The following VTI1A variants were observed in gnomAD, a reference collection of about 807,000 sequenced individuals.
VTI1A encodes the protein vesicle transport through interaction with t-SNAREs 1A, also known as vesicle transport through interaction with t-SNAREs homolog 1A.
A neutral mutation model predicts 34.9 loss-of-function variants in VTI1A; 22 were observed. The observed-to-expected ratio is 0.63, with a 90% CI of 0.45 to 0.90. The LOEUF (loss-of-function observed/expected upper bound fraction) is 0.90, where lower values mean the gene tolerates loss of function less well. VTI1A is among the 40% of genes least tolerant of loss of function. VTI1A has a pLI of 0.00. For synonymous variants in VTI1A, 87 were observed against 97.3 expected (o/e 0.89, Z 0.62); for missense variants, 268 against 275.6 (o/e 0.97, Z 0.20).
intron 5 of VTI1A, among the ~76,000 whole-genome samples, chr10:112,606,150 C>T (rs758360818): frequency 5.9e-5 from 9 of 151,664 alleles, no homozygotes; most frequent in African/African-American, 9.7e-5. Flanking sequence ...TCAGCCTTCC[C>T]GAGTAGCTGG....
At chr10:112,716,176 G>A (rs966592175) in intron 7 of VTI1A, among the ~76,000 whole-genome samples, 19 of 152,184 alleles carry the variant, frequency 1.2e-4, no homozygotes, top group African/African-American at 4.3e-4. Context: ...CTGACGAAGT[G>A]TTCTCCTGGG....
At chr10:112,760,055 G>T (rs960075209) in intron 7 of VTI1A, among the ~76,000 whole-genome samples, 1 of 152,172 alleles carries the variant, frequency 6.6e-6, no homozygotes, top group Admixed American at 6.5e-5. Context: ...GAAGAAGAGG[G>T]ATAGGGAAGA....
At chr10:112,551,182 T>C (rs980470391) in intron 5 of VTI1A, among the ~76,000 whole-genome samples, 4 of 138,882 alleles carry the variant, frequency 2.9e-5, no homozygotes, top group Non-Finnish European at 4.5e-5. Context: ...GAGCGGAGCT[T>C]GCCGTGAGCA....
intron 7 of VTI1A, among the ~76,000 whole-genome samples, chr10:112,776,294 G>A (rs1228612568): frequency 6.6e-6 from 1 of 152,146 alleles, no homozygotes; most frequent in Admixed American, 6.5e-5. Flanking sequence ...ATTGGGGTGG[G>A]GTACTGGGAT....
At chr10:112,737,725 A>G (rs959237776) in intron 7 of VTI1A, 6 of 1,059,070 alleles carry the variant, frequency 5.7e-6, no homozygotes, top group African/African-American at 3.3e-5. Flanking sequence ...GATCTGGAAA[A>G]TTAAAGCTCT....
chr10:112,840,505 A>G, the VTI1A span, among the ~76,000 whole-genome samples: 1 of 152,194 alleles, frequency 6.6e-6, no homozygotes, highest in Non-Finnish European at 1.5e-5. Flanking sequence ...GCTTGTTCTC[A>G]TTGGCTGCTA....
chr10:112,606,880 C>T (rs1240188573), intron 5 of VTI1A, among the ~76,000 whole-genome samples: 1 of 152,200 alleles, frequency 6.6e-6, no homozygotes, highest in Non-Finnish European at 1.5e-5. Context: ...CTAGTGGCAA[C>T]AGCTACCACG....
intron 7 of VTI1A, among the ~76,000 whole-genome samples, chr10:112,733,733 A>AT (rs1373327366): frequency 7.3e-6 from 1 of 136,444 alleles, no homozygotes; most frequent in Non-Finnish European, 1.5e-5. Context: ...ACATTATTTT[A>AT]TTTTATTTTA....
chr10:112,715,906 C>T (rs966289391), intron 7 of VTI1A, among the ~76,000 whole-genome samples: 3 of 152,162 alleles, frequency 2.0e-5, no homozygotes, highest in African/African-American at 4.8e-5. Flanking sequence ...GAAGAGATTT[C>T]GGAGTCAGTA....
At chr10:112,834,677 G>A in the VTI1A span, among the ~76,000 whole-genome samples, 1 of 152,190 alleles carries the variant, frequency 6.6e-6, no homozygotes, top group South Asian at 2.1e-4. Flanking sequence ...CTGGCATTTA[G>A]TTGAGGATTT....
chr10:112,615,950 A>G (rs948281703), intron 5 of VTI1A, among the ~76,000 whole-genome samples: 2 of 152,164 alleles, frequency 1.3e-5, no homozygotes, highest in Non-Finnish European at 2.9e-5. Context: ...TTCATGGGCC[A>G]TATTTGGATT....
At position 112,817,909 on chromosome 10, in the gene VTI1A, T is replaced by G. The variant is rs1853570950; in HGVS notation, c.*2526T>G. 4.3e-6 allele frequency: 1 copy of G among 233,062 alleles called. No homozygotes were observed. Among genetic ancestry groups the G allele is most frequent in the Admixed American group, 5.6e-5 (1 of 17,766 alleles). The allele number at this position is 233,062 out of a possible 1,614,324, so 14.4% of individuals were successfully genotyped here. On this transcript the variant is annotated 3_prime_UTR_variant, in exon 8 of 8. Transcript: ENST00000393077. ...AGAAGAGAAGGAAGCCCTTGCCATATAAAATTCATGCAGACTAAACAGTTT... is the reference window on the plus strand; with the variant it reads ...AGAAGAGAAGGAAGCCCTTGCCATAGAAAATTCATGCAGACTAAACAGTTT...
At chr10:112,852,465 T>A in the VTI1A span, among the ~76,000 whole-genome samples, 2 of 152,226 alleles carry the variant, frequency 1.3e-5, no homozygotes, top group Non-Finnish European at 2.9e-5. Flanking sequence ...CAGCAGGGCA[T>A]GAACCCTTTC....
intron 5 of VTI1A, among the ~76,000 whole-genome samples, chr10:112,573,693 A>G (rs780549268): frequency 4.6e-5 from 7 of 152,116 alleles, no homozygotes. Context: ...ACACCTCCGT[A>G]TTTTCTAGCA....
At chr10:112,837,073 A>G in the VTI1A span, among the ~76,000 whole-genome samples, 1 of 152,250 alleles carries the variant, frequency 6.6e-6, no homozygotes. Flanking sequence ...CTGTAATCCC[A>G]GCACTTTGGG....
At chr10:112,842,623 C>T in the VTI1A span, among the ~76,000 whole-genome samples, 1 of 152,172 alleles carries the variant, frequency 6.6e-6, no homozygotes, top group Non-Finnish European at 1.5e-5. Flanking sequence ...TCCTTCAGCT[C>T]CAAATTCTAT....
chr10:112,634,529 A>T (rs1004816270), intron 5 of VTI1A, among the ~76,000 whole-genome samples: 43 of 150,270 alleles, frequency 2.9e-4, no homozygotes, highest in African/African-American at 7.6e-4. Context: ...ACACACACAC[A>T]CACACACACA....
chr10:112,751,672 A>G (rs1025658654), intron 7 of VTI1A, among the ~76,000 whole-genome samples: 1 of 152,190 alleles, frequency 6.6e-6, no homozygotes, highest in Non-Finnish European at 1.5e-5. Flanking sequence ...AAAATTGTCC[A>G]TCACTCCACT....
chr10:112,762,303 A>C (rs760885993), intron 7 of VTI1A, among the ~76,000 whole-genome samples: 2 of 152,198 alleles, frequency 1.3e-5, no homozygotes, highest in Non-Finnish European at 2.9e-5. Flanking sequence ...AAAAAGAACA[A>C]AAAAAGTGAA....
Sources: gnomAD v4.1 joint callset for allele counts (sites outside exome capture counted in the v4.1 genomes callset) on GRCh38, gnomAD v4.1.1 for gene constraint, MANE v1.5 for transcripts, NCBI Gene and HGNC (gene_info 2026-07-23, HGNC 2026-07-21) for gene names.